FHIT: variants seen among roughly 807,000 people sequenced by gnomAD.
FHIT encodes the protein bis(5'-adenosyl)-triphosphatase.
In FHIT, 19 loss-of-function variants were observed where a neutral mutation model predicts 17.9. The ratio of observed to expected loss-of-function variants is 1.06; its 90% CI spans 0.74 to 1.56. FHIT has a LOEUF of 1.56. Among genes scored for constraint, FHIT ranks in the 40% most tolerant of loss-of-function variants. FHIT has a pLI of 0.00. For missense variants in FHIT, 248 were observed against 189.2 expected, an observed-to-expected ratio of 1.31 and a Z score of -1.82; for synonymous variants, 81 against 69.7, an observed-to-expected ratio of 1.16 and a Z score of -0.81.
intron 4 of FHIT, among the ~76,000 whole-genome samples, chr3:60,773,608 CTT>C (rs143858449): frequency 0.034 from 5,249 of 152,326 alleles, 119 homozygotes; most frequent in South Asian, 0.067. Flanking sequence ...TACTTTAAGA[CTT>C]TGGTTGTAAC....
chr3:60,039,318 C>T (rs1032145882), intron 5 of FHIT, among the ~76,000 whole-genome samples: 3 of 152,208 alleles, frequency 2.0e-5, no homozygotes, highest in South Asian at 2.1e-4. Context: ...AGCAGCTCCA[C>T]TTTTATCTGT....
At chr3:60,273,451 A>T (rs935361949) in intron 5 of FHIT, among the ~76,000 whole-genome samples, 1 of 149,562 alleles carries the variant, frequency 6.7e-6, no homozygotes, top group African/African-American at 2.5e-5. Context: ...TACTAAAAAT[A>T]CAAAAAAAAT....
chr3:60,539,029 T>C (rs1000976947), intron 4 of FHIT, among the ~76,000 whole-genome samples: 1 of 152,028 alleles, frequency 6.6e-6, no homozygotes, highest in African/African-American at 2.4e-5. Flanking sequence ...AGAAAATTTT[T>C]GCAATCTACT....
chr3:60,120,488 A>G (rs535947924), intron 5 of FHIT, among the ~76,000 whole-genome samples: 27 of 152,214 alleles, frequency 1.8e-4, no homozygotes, highest in Non-Finnish European at 3.1e-4. Context: ...ATGAAGCACA[A>G]TCTTCCTGCT....
chr3:60,980,791 A>C (rs1218195603), intron 3 of FHIT, among the ~76,000 whole-genome samples: 3 of 152,058 alleles, frequency 2.0e-5, no homozygotes, highest in Admixed American at 2.0e-4. Context: ...TGACTTCATG[A>C]CTCCTTTTAA....
At chr3:60,086,256 G>A (rs1008645793) in intron 5 of FHIT, among the ~76,000 whole-genome samples, 9 of 152,102 alleles carry the variant, frequency 5.9e-5, no homozygotes, top group African/African-American at 2.2e-4. Flanking sequence ...TATTCATGAA[G>A]GATCTGCCCT....
intron 5 of FHIT, among the ~76,000 whole-genome samples, chr3:60,149,950 C>T (rs1240839830): frequency 2.6e-5 from 4 of 151,200 alleles, no homozygotes; most frequent in Non-Finnish European, 4.4e-5. Flanking sequence ...ATCCTGCCAC[C>T]ACTGGTTAGG....
chr3:60,502,434 C>G (rs1179038783), intron 5 of FHIT, among the ~76,000 whole-genome samples: 3 of 152,174 alleles, frequency 2.0e-5, no homozygotes, highest in African/African-American at 4.8e-5. Context: ...TAATAAAAAT[C>G]ATTGGCTGGT....
intron 5 of FHIT, among the ~76,000 whole-genome samples, chr3:60,391,456 A>G (rs1052714717): frequency 2.6e-5 from 4 of 152,120 alleles, no homozygotes; most frequent in African/African-American, 7.2e-5. Flanking sequence ...GCATACAGTA[A>G]TATCTTAGCC....
chr3:61,202,963 G>A lies in FHIT; in HGVS notation c.-212-2298C>T, dbSNP rs184620660. Among the ~76,000 whole-genome samples the A allele has an allele frequency of 4.6e-3, 694 of 152,062 alleles. 4 individuals carry two copies. The highest frequency in any genetic ancestry group is 0.014 in the African/African-American group (598 of 41,478). On this transcript the variant is annotated intron_variant, in intron 1 of 9. Coordinates refer to ENST00000492590, the MANE Select transcript of FHIT (RefSeq NM_002012.4). ...TGGGAGGCCGAGGCAGGCAGATCAC[G>A]AGGTCAGGAGATCGAGACCATCCTG...
rs1168783405 is a variant in FHIT, at chr3:59,794,699, A to G, written c.349-42378T>C. The stretch of plus-strand genomic sequence containing the variant: ...CCTGTGTGCTAAGCACTCTCCATGC[A>G]TTTTATTTATAGTATCTCATTAAAT... On this transcript the variant is annotated intron_variant, in intron 8 of 9. Transcript: ENST00000492590. Among the ~76,000 whole-genome samples, 9 of 152,318 alleles carry G rather than the reference A, an allele frequency of 5.9e-5. No individual in the cohort carries two copies. In the East Asian group the frequency reaches 1.5e-3, roughly 26 times the overall value.
At chr3:61,037,347 C>A (rs910491240) in intron 3 of FHIT, among the ~76,000 whole-genome samples, 1 of 152,140 alleles carries the variant, frequency 6.6e-6, no homozygotes. Context: ...ACCTTATTTT[C>A]TCTCCGTTTC....
At chr3:61,037,354 T>C (rs1040237670) in intron 3 of FHIT, among the ~76,000 whole-genome samples, 1 of 152,154 alleles carries the variant, frequency 6.6e-6, no homozygotes, top group Non-Finnish European at 1.5e-5. Context: ...TTTCTCTCCG[T>C]TTCCTCAACT....
intron 7 of FHIT, among the ~76,000 whole-genome samples, chr3:60,006,509 C>T (rs953209960): frequency 1.1e-4 from 16 of 152,116 alleles, no homozygotes; most frequent in Admixed American, 4.6e-4. Context: ...GTGGCAGGGC[C>T]GGGATTTGAA....
intron 3 of FHIT, among the ~76,000 whole-genome samples, chr3:60,867,027 G>T (rs1341671340): frequency 6.6e-6 from 1 of 152,074 alleles, no homozygotes; most frequent in African/African-American, 2.4e-5. Flanking sequence ...CGATCACAAA[G>T]TATGCATGAC....
chr3:59,792,796 C>T (rs991323358), intron 8 of FHIT, among the ~76,000 whole-genome samples: 1 of 149,962 alleles, frequency 6.7e-6, no homozygotes, highest in Admixed American at 6.7e-5. Context: ...GTCCATCTAT[C>T]ATTATTTCTA....
At chr3:60,760,411 G>A (rs1390163117) in intron 4 of FHIT, among the ~76,000 whole-genome samples, 2 of 152,216 alleles carry the variant, frequency 1.3e-5, no homozygotes, top group Non-Finnish European at 2.9e-5. Flanking sequence ...CCAGCAGAGA[G>A]AAGCTATTGG....
At chr3:60,655,593 G>A (rs1044743030) in intron 4 of FHIT, among the ~76,000 whole-genome samples, 1 of 152,004 alleles carries the variant, frequency 6.6e-6, no homozygotes, top group African/African-American at 2.4e-5. Flanking sequence ...GGGTTTGGAG[G>A]GTAAGCACAT....
At chr3:60,906,008 A>G (rs1187166886) in intron 3 of FHIT, among the ~76,000 whole-genome samples, 1 of 152,198 alleles carries the variant, frequency 6.6e-6, no homozygotes, top group Non-Finnish European at 1.5e-5. Context: ...AAAAGGATTT[A>G]TAAAGCAAAA....
Sources: gnomAD v4.1 joint callset for allele counts (sites outside exome capture counted in the v4.1 genomes callset) on GRCh38, gnomAD v4.1.1 for gene constraint, MANE v1.5 for transcripts, NCBI Gene and HGNC (gene_info 2026-07-23, HGNC 2026-07-21) for gene names.